SHISA6: variants seen among roughly 807,000 people sequenced by gnomAD.
SHISA6 encodes the protein protein shisa-6.
In SHISA6, 22 loss-of-function variants were observed where a neutral mutation model predicts 47.9. That is an observed-to-expected ratio of 0.46 (90% CI 0.33 to 0.66). The LOEUF is 0.66. Ranked by LOEUF, SHISA6 falls within the 30% of genes least tolerant of loss-of-function variation. SHISA6 has a pLI of 0.02. For missense variants in SHISA6, 680 were observed against 764.6 expected (o/e 0.89, Z 1.30); for synonymous variants, 388 against 337.8 (o/e 1.15, Z -1.63).
intron 2 of SHISA6, among the ~76,000 whole-genome samples, chr17:11,370,444 G>A (rs777664376): frequency 3.5e-4 from 53 of 151,950 alleles, no homozygotes; most frequent in Non-Finnish European, 7.1e-4. Flanking sequence ...TTTGTTTTTG[G>A]TTTCAAACAC....
intron 3 of SHISA6, among the ~76,000 whole-genome samples, chr17:11,472,138 C>T (rs958605860): frequency 6.6e-6 from 1 of 152,150 alleles, no homozygotes; most frequent in Non-Finnish European, 1.5e-5. Context: ...TTACTATTTA[C>T]ATGGTTTTTT....
At chr17:11,529,215 T>G (rs1026296118) in intron 3 of SHISA6, among the ~76,000 whole-genome samples, 1 of 151,444 alleles carries the variant, frequency 6.6e-6, no homozygotes, top group Non-Finnish European at 1.5e-5. Context: ...TAAAAAAAAT[T>G]AAAAAAAGAA....
intron 3 of SHISA6, among the ~76,000 whole-genome samples, chr17:11,428,222 C>G (rs1305044091): frequency 6.6e-6 from 1 of 152,174 alleles, no homozygotes; most frequent in African/African-American, 2.4e-5. Flanking sequence ...GTGATGGGAC[C>G]AAGCTTGATG....
At chr17:11,510,448 G>C (rs145477106) in intron 3 of SHISA6, among the ~76,000 whole-genome samples, 4 of 152,156 alleles carry the variant, frequency 2.6e-5, no homozygotes, top group Non-Finnish European at 4.4e-5. Context: ...TGCAGGAACA[G>C]CCACCCAATG....
At chr17:11,526,898 T>TATATATATATATATATATAC (rs2071688998) in intron 3 of SHISA6, among the ~76,000 whole-genome samples, 1 of 17,396 alleles carries the variant, frequency 5.7e-5, no homozygotes, top group African/African-American at 3.1e-4. Context: ...TATATATATA[T>TATATATATATATATATATAC]ATATATATAT....
chr17:11,344,057 T>G (rs982862986), intron 2 of SHISA6, among the ~76,000 whole-genome samples: 1 of 152,212 alleles, frequency 6.6e-6, no homozygotes, highest in Non-Finnish European at 1.5e-5. Context: ...TGGTTTTGGT[T>G]TGCATTTTCC....
chr17:11,543,716 T>G (rs2071853727), intron 3 of SHISA6, among the ~76,000 whole-genome samples: 1 of 151,994 alleles, frequency 6.6e-6, no homozygotes. Context: ...AAATATCATA[T>G]AGCAACAGTA....
intron 1 of SHISA6, among the ~76,000 whole-genome samples, chr17:11,246,696 A>G (rs760454771): frequency 6.6e-6 from 1 of 152,176 alleles, no homozygotes; most frequent in African/African-American, 2.4e-5. Flanking sequence ...CATGTGCCAC[A>G]GGCTTGGTTT....
intron 3 of SHISA6, among the ~76,000 whole-genome samples, chr17:11,506,582 T>C (rs1436970074): frequency 6.6e-6 from 1 of 152,182 alleles, no homozygotes; most frequent in African/African-American, 2.4e-5. Context: ...CACGCTATTA[T>C]GATGAGGTCT....
At chr17:11,441,840 G>T (rs903991971) in intron 3 of SHISA6, among the ~76,000 whole-genome samples, 1 of 152,150 alleles carries the variant, frequency 6.6e-6, no homozygotes, top group Non-Finnish European at 1.5e-5. Flanking sequence ...CCAGCGCTGC[G>T]AACTACTTAT....
chr17:11,392,531 A>G (rs1364487983), intron 3 of SHISA6, among the ~76,000 whole-genome samples: 3 of 152,182 alleles, frequency 2.0e-5, no homozygotes, highest in African/African-American at 7.2e-5. Context: ...CTCTGTTGCC[A>G]TGTGATCTCC....
At chr17:11,397,883 A>ATTAGAGCC (rs1224219880) in intron 3 of SHISA6, among the ~76,000 whole-genome samples, 1 of 152,032 alleles carries the variant, frequency 6.6e-6, no homozygotes, top group Non-Finnish European at 1.5e-5. Flanking sequence ...TCCAAGGGAG[A>ATTAGAGCC]TTAGAGCCCC....
chr17:11,475,257 A>C (rs118183300), intron 3 of SHISA6, among the ~76,000 whole-genome samples: 1 of 152,052 alleles, frequency 6.6e-6, no homozygotes, highest in East Asian at 1.9e-4. Context: ...TTTCCTTCTC[A>C]ATCTGTATAC....
intron 2 of SHISA6, among the ~76,000 whole-genome samples, chr17:11,347,983 G>A (rs1911755785): frequency 6.6e-6 from 1 of 152,218 alleles, no homozygotes; most frequent in Non-Finnish European, 1.5e-5. Flanking sequence ...AGAGTGAACA[G>A]GATTGTTTTT....
rs141840669 is a variant in SHISA6 at position 11,515,785 on chromosome 17, A to G, written c.896-36111A>G. 2.0e-3 allele frequency among the ~76,000 whole-genome samples: 298 copies of G among 152,288 alleles called. 3 individuals are homozygous for G. Among genetic ancestry groups the G allele is most frequent in the African/African-American group, 6.9e-3 (286 of 41,570 alleles). On this transcript the variant is annotated intron_variant, in intron 3 of 5. Transcript: ENST00000441885. ...TTCCCAGGAGCGCAAGGGTAGATGC[A>G]TCAACTCAACCAAGGAGACCTGGGC...
chr17:11,434,023 C>T (rs1008805157), intron 3 of SHISA6, among the ~76,000 whole-genome samples: 1 of 151,840 alleles, frequency 6.6e-6, no homozygotes, highest in Non-Finnish European at 1.5e-5. Flanking sequence ...CGGTATATCC[C>T]AGGACACTCC....
At chr17:11,401,969 C>T (rs145670393) in intron 3 of SHISA6, among the ~76,000 whole-genome samples, 2 of 152,122 alleles carry the variant, frequency 1.3e-5, no homozygotes, top group African/African-American at 4.8e-5. Context: ...ACAGGGAAAC[C>T]ACAATGAACA....
At chr17:11,276,410 A>G (rs945353713) in intron 2 of SHISA6, among the ~76,000 whole-genome samples, 1 of 152,220 alleles carries the variant, frequency 6.6e-6, no homozygotes, top group South Asian at 2.1e-4. Context: ...TGTGAGAAAG[A>G]CTTTCTTCAG....
At chr17:11,403,108 G>A (rs900807021) in intron 3 of SHISA6, among the ~76,000 whole-genome samples, 1 of 152,154 alleles carries the variant, frequency 6.6e-6, no homozygotes, top group Non-Finnish European at 1.5e-5. Flanking sequence ...TGGAGATTAT[G>A]CTAATGTACC....
Sources: allele counts gnomAD v4.1 joint callset (sites outside exome capture counted in the v4.1 genomes callset), GRCh38; gene constraint gnomAD v4.1.1; transcripts MANE v1.5; gene names NCBI Gene and HGNC (gene_info 2026-07-23, HGNC 2026-07-21).